The following CAMKMT variants were observed in gnomAD, a reference collection of about 807,000 sequenced individuals.
CAMKMT encodes calmodulin-lysine N-methyltransferase.
CAMKMT carries 53 observed loss-of-function variants against 48.0 expected under a neutral mutation model. The ratio of observed to expected loss-of-function variants is 1.10; its 90% CI spans 0.89 to 1.39. The LOEUF is 1.39. CAMKMT is among the 40% of genes most tolerant of loss of function. The pLI is 0.00. For missense variants in CAMKMT, 428 were observed against 402.7 expected (o/e 1.06, Z -0.54); for synonymous variants, 165 against 152.3 (o/e 1.08, Z -0.61).
chr2:44,592,343 C>T (rs1050526211), intron 3 of CAMKMT, among the ~76,000 whole-genome samples: 11 of 152,012 alleles, frequency 7.2e-5, no homozygotes, highest in Admixed American at 5.9e-4. Context: ...TCCATTTCAT[C>T]TAAGTTGTCA....
At chr2:44,503,543 TAA>T (rs1214650720) in intron 3 of CAMKMT, among the ~76,000 whole-genome samples, 2 of 152,162 alleles carry the variant, frequency 1.3e-5, no homozygotes, top group African/African-American at 4.8e-5. Flanking sequence ...ACTTTGGTGA[TAA>T]AAGGGAAGAG....
rs35806004 is a variant in CAMKMT, at chr2:44,702,019, C to T, written c.377-2264C>T. On this transcript the variant is annotated intron_variant, in intron 3 of 10. Transcript: ENST00000378494. ...ATGTAATTTTGTTAAAAATCAGCCT[C>T]TATAATTTTTTGAGACAATTATAAA... Among the ~76,000 whole-genome samples the T allele has an allele frequency of 6.0e-3, 908 of 152,050 alleles. 4 individuals are homozygous for T. The highest frequency in any genetic ancestry group is 0.01 in the Middle Eastern group (3 of 294).
intron 3 of CAMKMT, among the ~76,000 whole-genome samples, chr2:44,559,566 G>A (rs771845850): frequency 4.6e-5 from 7 of 151,210 alleles, no homozygotes; most frequent in African/African-American, 7.3e-5. Flanking sequence ...TTTTAATGTG[G>A]TCTTCAGATT....
chr2:44,652,982 A>G (rs976308816), intron 3 of CAMKMT, among the ~76,000 whole-genome samples: 3 of 151,966 alleles, frequency 2.0e-5, no homozygotes, highest in Non-Finnish European at 4.4e-5. Flanking sequence ...TAGTCAAAAT[A>G]CCTCAGTCCA....
At chr2:44,378,388 T>G (rs1401418614) in intron 2 of CAMKMT, among the ~76,000 whole-genome samples, 1 of 152,228 alleles carries the variant, frequency 6.6e-6, no homozygotes, top group African/African-American at 2.4e-5. Flanking sequence ...CCCATGAGAC[T>G]GGAAAACATC....
intron 2 of CAMKMT, among the ~76,000 whole-genome samples, chr2:44,382,568 T>A (rs912118168): frequency 2.6e-5 from 4 of 151,684 alleles, no homozygotes; most frequent in African/African-American, 7.2e-5. Context: ...AAGCTCCGCC[T>A]CCCGGGTTCA....
chr2:44,635,762 AGGTT>A (rs1673095149), intron 3 of CAMKMT, among the ~76,000 whole-genome samples: 3 of 152,210 alleles, frequency 2.0e-5, no homozygotes, highest in Non-Finnish European at 4.4e-5. Flanking sequence ...TCCTTAGAAG[AGGTT>A]AGCAATCTAA....
chr2:44,750,733 G>C (rs2090037205), intron 8 of CAMKMT, among the ~76,000 whole-genome samples: 1 of 152,134 alleles, frequency 6.6e-6, no homozygotes, highest in African/African-American at 2.4e-5. Context: ...CAAAGATGAG[G>C]CCGGGCACGG....
At chr2:44,692,307 T>G (rs1470537618) in intron 3 of CAMKMT, among the ~76,000 whole-genome samples, 3 of 152,106 alleles carry the variant, frequency 2.0e-5, no homozygotes, top group African/African-American at 7.2e-5. Flanking sequence ...ATGTCTTACA[T>G]GCATTATCTC....
intron 3 of CAMKMT, among the ~76,000 whole-genome samples, chr2:44,443,158 A>G (rs1249155914): frequency 6.6e-6 from 1 of 152,184 alleles, no homozygotes; most frequent in Non-Finnish European, 1.5e-5. Flanking sequence ...GTGTGAAAAA[A>G]TGTTCGTATC....
intron 3 of CAMKMT, among the ~76,000 whole-genome samples, chr2:44,519,636 G>A (rs1338807194): frequency 6.6e-6 from 1 of 152,098 alleles, no homozygotes; most frequent in Non-Finnish European, 1.5e-5. Flanking sequence ...GAATTAGCAT[G>A]GTATGTTTAA....
chr2:44,759,024 C>T (rs1046211115), intron 9 of CAMKMT, among the ~76,000 whole-genome samples: 1 of 152,026 alleles, frequency 6.6e-6, no homozygotes, highest in Non-Finnish European at 1.5e-5. Context: ...ATTCACTTAA[C>T]CTTCTTCAGA....
chr2:44,614,405 A>C (rs147349630), intron 3 of CAMKMT, among the ~76,000 whole-genome samples: 129 of 152,362 alleles, frequency 8.5e-4, no homozygotes, highest in Middle Eastern at 3.4e-3. Context: ...GTTGCATTGC[A>C]TTCTTCATAT....
At chr2:44,569,079 A>G (rs974688180) in intron 3 of CAMKMT, among the ~76,000 whole-genome samples, 1 of 152,132 alleles carries the variant, frequency 6.6e-6, no homozygotes, top group African/African-American at 2.4e-5. Context: ...GCCCCAAACT[A>G]AGTATGTGCT....
At chr2:44,714,832 G>T (rs1678082819) in intron 6 of CAMKMT, among the ~76,000 whole-genome samples, 1 of 152,146 alleles carries the variant, frequency 6.6e-6, no homozygotes, top group South Asian at 2.1e-4. Flanking sequence ...CTTGCCTGTG[G>T]CAAGTCAGCA....
At chr2:44,429,279 G>GTA (rs1553386994) in intron 3 of CAMKMT, among the ~76,000 whole-genome samples, 1,042 of 18,408 alleles carry the variant, frequency 0.057, 12 homozygotes, top group African/African-American at 0.085. Flanking sequence ...GTGTGTGTAT[G>GTA]TGTGTGTGTG....
intron 7 of CAMKMT, among the ~76,000 whole-genome samples, chr2:44,723,475 G>A (rs545310623): frequency 2.1e-4 from 32 of 151,734 alleles, no homozygotes; most frequent in Non-Finnish European, 4.3e-4. Flanking sequence ...CCTGTAATCC[G>A]AGCTACTTGG....
intron 3 of CAMKMT, among the ~76,000 whole-genome samples, chr2:44,457,948 T>C (rs1416239750): frequency 6.6e-6 from 1 of 151,838 alleles, no homozygotes; most frequent in African/African-American, 2.4e-5. Context: ...TGGAACAGCC[T>C]GCACATTAGT....
At chr2:44,481,243 A>G (rs1668949993) in intron 3 of CAMKMT, among the ~76,000 whole-genome samples, 1 of 152,118 alleles carries the variant, frequency 6.6e-6, no homozygotes, top group African/African-American at 2.4e-5. Context: ...TACTAGGAGC[A>G]AAGTATAAAT....
Sources: gnomAD v4.1 joint callset for allele counts (sites outside exome capture counted in the v4.1 genomes callset) on GRCh38, gnomAD v4.1.1 for gene constraint, MANE v1.5 for transcripts, NCBI Gene and HGNC (gene_info 2026-07-23, HGNC 2026-07-21) for gene names.